The following PARD3B variants were observed in gnomAD, a reference collection of about 807,000 sequenced individuals.
PARD3B encodes par-3 family cell polarity regulator beta.
Under a neutral mutation model 130.2 loss-of-function variants are expected in PARD3B, and 103 were observed. The observed-to-expected ratio is 0.79, with a 90% CI of 0.67 to 0.93. The LOEUF is 0.93. Ranked by LOEUF, PARD3B falls within the 40% of genes least tolerant of loss-of-function variation. PARD3B has a pLI of 0.00. For missense variants in PARD3B, 1,609 were observed against 1,499.2 expected, an observed-to-expected ratio of 1.07 and a Z score of -1.21; for synonymous variants, 583 against 553.2, an observed-to-expected ratio of 1.05 and a Z score of -0.76.
At chr2:204,765,385 C>T (rs1401296714) in intron 2 of PARD3B, among the ~76,000 whole-genome samples, 6 of 152,146 alleles carry the variant, frequency 3.9e-5, no homozygotes, top group African/African-American at 1.4e-4. Context: ...AATCTTCTTG[C>T]TGCAAGAAGA....
rs761617776 is a variant in PARD3B, at chr2:205,125,719, T to C, written c.1416T>C (p.His472=). Residue 472 remains histidine, a synonymous_variant, in exon 10 of 23, where the codon CAT becomes CAC. Coordinates refer to ENST00000406610, the MANE Select transcript of PARD3B (RefSeq NM_001302769.2). This position sits in a 1 kb window ranked among gnomAD's most constrained non-coding sequence, Gnocchi z 4.0. Reference sequence around the variant, plus strand: ...TGGTCATTGCCCGCCAAGAAGGACATTTTCTGCCCCGAGAGTTGGTAATGT... The same window carrying C: ...TGGTCATTGCCCGCCAAGAAGGACACTTTCTGCCCCGAGAGTTGGTAATGT... ...ASLVIARQEG[H]FLPRELKGEP... 1 of 1,614,108 alleles carries C rather than the reference T, an allele frequency of 6.2e-7. No homozygotes were observed.
intron 2 of PARD3B, among the ~76,000 whole-genome samples, chr2:204,691,258 A>G (rs1025320417): frequency 1.3e-5 from 2 of 152,138 alleles, no homozygotes; most frequent in African/African-American, 4.8e-5. Context: ...ACATGAAAAC[A>G]TGGCAGTCTA....
chr2:204,700,430 C>T (rs1474323475), intron 2 of PARD3B, among the ~76,000 whole-genome samples: 3 of 152,008 alleles, frequency 2.0e-5, no homozygotes, highest in Non-Finnish European at 4.4e-5. Context: ...CAGTAGCACA[C>T]CTTATATGAA....
intron 2 of PARD3B, among the ~76,000 whole-genome samples, chr2:204,851,363 C>T (rs927428736): frequency 2.6e-5 from 4 of 152,188 alleles, no homozygotes; most frequent in African/African-American, 9.6e-5. Context: ...ACCAAAGTGA[C>T]TTTCCTCAAG....
At chr2:205,399,994 G>A (rs2046191674) in intron 18 of PARD3B, among the ~76,000 whole-genome samples, 1 of 152,110 alleles carries the variant, frequency 6.6e-6, no homozygotes, top group Non-Finnish European at 1.5e-5. Flanking sequence ...ACCTCTCAGA[G>A]CTTTTGGTTC....
At chr2:205,001,890 G>T (rs545101176) in intron 3 of PARD3B, among the ~76,000 whole-genome samples, 1 of 152,174 alleles carries the variant, frequency 6.6e-6, no homozygotes, top group African/African-American at 2.4e-5. Flanking sequence ...CATTGGAGAC[G>T]ATGCTGTCAC....
At chr2:204,874,557 A>G (rs898142017) in intron 2 of PARD3B, among the ~76,000 whole-genome samples, 4 of 152,170 alleles carry the variant, frequency 2.6e-5, no homozygotes, top group Non-Finnish European at 5.9e-5. Flanking sequence ...TATACAAGGT[A>G]GGGTAAAATT....
chr2:205,256,137 A>G (rs1487559546), intron 16 of PARD3B, among the ~76,000 whole-genome samples: 1 of 151,808 alleles, frequency 6.6e-6, no homozygotes, highest in African/African-American at 2.4e-5. Context: ...AACCAAATAT[A>G]TATTTTATAT....
intron 2 of PARD3B, among the ~76,000 whole-genome samples, chr2:204,897,341 G>C (rs920312585): frequency 6.7e-6 from 1 of 149,226 alleles, no homozygotes; most frequent in African/African-American, 2.5e-5. Context: ...GTAGCTCAGT[G>C]TGTAGGCCGT....
At chr2:204,947,098 C>A (rs1482460947) in intron 2 of PARD3B, among the ~76,000 whole-genome samples, 3 of 152,122 alleles carry the variant, frequency 2.0e-5, no homozygotes, top group African/African-American at 7.2e-5. Context: ...TCCTAGTACA[C>A]CCAGAAATAA....
intron 21 of PARD3B, among the ~76,000 whole-genome samples, chr2:205,527,409 G>C (rs375895625): frequency 6.6e-6 from 1 of 152,124 alleles, no homozygotes; most frequent in African/African-American, 2.4e-5. Context: ...CAGTAAAAGA[G>C]AAAAGAGCTT....
intron 18 of PARD3B, among the ~76,000 whole-genome samples, chr2:205,396,022 C>T (rs1439397228): frequency 1.3e-5 from 2 of 152,184 alleles, no homozygotes; most frequent in African/African-American, 4.8e-5. Flanking sequence ...TTTCCTCTCT[C>T]ATCTCCCAGC....
At chr2:204,853,602 A>G (rs1471797655) in intron 2 of PARD3B, among the ~76,000 whole-genome samples, 1 of 152,246 alleles carries the variant, frequency 6.6e-6, no homozygotes, top group African/African-American at 2.4e-5. Context: ...GAATATGCTG[A>G]CAACCATAAC....
intron 2 of PARD3B, among the ~76,000 whole-genome samples, chr2:204,958,304 T>C (rs1220337099): frequency 6.6e-6 from 1 of 152,172 alleles, no homozygotes; most frequent in Admixed American, 6.5e-5. Context: ...TAAATGTACT[T>C]CATGGCATTT....
At chr2:204,843,263 A>G (rs2044322789) in intron 2 of PARD3B, among the ~76,000 whole-genome samples, 1 of 152,124 alleles carries the variant, frequency 6.6e-6, no homozygotes, top group Non-Finnish European at 1.5e-5. Flanking sequence ...TTTATTAATC[A>G]CTAGATACTG....
intron 4 of PARD3B, among the ~76,000 whole-genome samples, chr2:205,068,917 T>G (rs1253272640): frequency 6.6e-6 from 1 of 152,168 alleles, no homozygotes; most frequent in Non-Finnish European, 1.5e-5. Flanking sequence ...GTGGTGATAT[T>G]TTGTGATCTA....
chr2:205,614,275 T>TTCTTACCCTGGATGTTTCTGTGTG (rs2055341250), intron 22 of PARD3B, among the ~76,000 whole-genome samples: 1 of 152,236 alleles, frequency 6.6e-6, no homozygotes, highest in Non-Finnish European at 1.5e-5. Context: ...TTAGTGTCTA[T>TTCTTACCCTGGATGTTTCTGTGTG]TCTTACCCTG....
chr2:205,514,865 G>A (rs1227631208), intron 21 of PARD3B, among the ~76,000 whole-genome samples: 1 of 142,900 alleles, frequency 7.0e-6, no homozygotes, highest in African/African-American at 2.6e-5. Context: ...AGGTTTGAGG[G>A]TACATGCGAA....
intron 10 of PARD3B, among the ~76,000 whole-genome samples, chr2:205,155,454 T>G (rs930519981): frequency 1.3e-5 from 2 of 152,092 alleles, no homozygotes; most frequent in Middle Eastern, 3.2e-3. Context: ...AGTTGGCCAG[T>G]GGAGCAGTAA....
Sources: allele counts gnomAD v4.1 joint callset (sites outside exome capture counted in the v4.1 genomes callset), GRCh38; gene constraint gnomAD v4.1.1; non-coding constraint Gnocchi (gnomAD v3.1); transcripts MANE v1.5; gene names NCBI Gene and HGNC (gene_info 2026-07-23, HGNC 2026-07-21).